The following CRACD variants were observed in gnomAD, a reference collection of about 807,000 sequenced individuals.
The protein encoded by CRACD is capping protein-inhibiting regulator of actin dynamics.
In CRACD, 56 loss-of-function variants were observed where a neutral mutation model predicts 106.8. That is an observed-to-expected ratio of 0.52 (90% CI 0.42 to 0.66). CRACD has a LOEUF of 0.66. Among genes scored for constraint, CRACD ranks in the 30% least tolerant of loss-of-function variants. CRACD has a pLI of 0.00. For missense variants in CRACD, 1,730 were observed against 1,623.2 expected, an observed-to-expected ratio of 1.07 and a Z score of -1.13; for synonymous variants, 754 against 670.8, an observed-to-expected ratio of 1.12 and a Z score of -1.92.
At chr4:56,139,130 T>C (rs1041615552) in intron 1 of CRACD, among the ~76,000 whole-genome samples, 21 of 152,330 alleles carry the variant, frequency 1.4e-4, no homozygotes, top group South Asian at 4.1e-4. Context: ...TTCCATATAC[T>C]CAATTCCAAA....
chr4:56,127,048 A>G (rs1174158755), intron 1 of CRACD, among the ~76,000 whole-genome samples: 3 of 152,152 alleles, frequency 2.0e-5, no homozygotes, highest in Admixed American at 2.0e-4. Context: ...GGAGATGTTT[A>G]TGGAACTTGG....
chr4:56,113,648 C>T (rs373472983), intron 1 of CRACD, among the ~76,000 whole-genome samples: 1 of 152,064 alleles, frequency 6.6e-6, no homozygotes, highest in East Asian at 1.9e-4. Context: ...GGCCTGATAG[C>T]ACTTCATCAT....
At chr4:56,279,982 T>C (rs879330503) in intron 3 of CRACD, among the ~76,000 whole-genome samples, 1 of 151,930 alleles carries the variant, frequency 6.6e-6, no homozygotes, top group Non-Finnish European at 1.5e-5. Context: ...GATGAGTTCA[T>C]GTCCTTTGTA....
At chr4:56,095,082 G>T (rs1043895827) in intron 1 of CRACD, among the ~76,000 whole-genome samples, 6 of 152,074 alleles carry the variant, frequency 3.9e-5, no homozygotes, top group African/African-American at 9.7e-5. Flanking sequence ...TTTAGGCTGG[G>T]TGCTCGCGCC....
At chr4:56,323,242 A>G (rs1746215893) in intron 8 of CRACD, 135 bp from the exon 9 acceptor site, 3 of 680,208 alleles carry the variant, frequency 4.4e-6, no homozygotes, top group South Asian at 4.4e-5. Flanking sequence ...GCATCAGCAC[A>G]GAGGTTGTGC....
chr4:56,102,072 A>G (rs919936403), intron 1 of CRACD, among the ~76,000 whole-genome samples: 1 of 152,064 alleles, frequency 6.6e-6, no homozygotes, highest in African/African-American at 2.4e-5. Context: ...TTCCTTGTGT[A>G]TATATGTTAT....
chr4:56,138,088 C>T (rs1273603142), intron 1 of CRACD, among the ~76,000 whole-genome samples: 1 of 151,856 alleles, frequency 6.6e-6, no homozygotes, highest in Non-Finnish European at 1.5e-5. Context: ...ACCCACTCTC[C>T]TACCTTGGTG....
chr4:56,310,760 T>C, intron 6 of CRACD, 26 bp downstream of exon 6: 1 of 1,521,074 alleles, frequency 6.6e-7, no homozygotes. Context: ...CTTATTTATT[T>C]GGCTTCTTTC....
intron 2 of CRACD, among the ~76,000 whole-genome samples, chr4:56,205,290 C>A (rs1004268718): frequency 6.6e-6 from 1 of 151,962 alleles, no homozygotes; most frequent in East Asian, 1.9e-4. Context: ...TCCTTTAAAA[C>A]CCTGTATATG....
rs1048076158 is a variant in CRACD, at chr4:56,329,391, G to C, written c.*1587G>C. The stretch of plus-strand genomic sequence containing the variant: ...TTTATGCTCGCTCAATATGCAATGT[G>C]CTGTTATTCTACCATGTACCTTAAA... On this transcript the variant is annotated 3_prime_UTR_variant, in exon 11 of 11. Transcript: ENST00000682029. Among the ~76,000 whole-genome samples the C allele has an allele frequency of 2.0e-5, 3 of 152,132 alleles. No individual in the cohort carries two copies. Among genetic ancestry groups the C allele is most frequent in the African/African-American group, 2.4e-5 (1 of 41,418 alleles).
intron 1 of CRACD, among the ~76,000 whole-genome samples, chr4:56,131,135 A>G (rs1734812224): frequency 6.6e-6 from 1 of 152,238 alleles, no homozygotes; most frequent in African/African-American, 2.4e-5. Context: ...AAATCAATAT[A>G]CTGCTATTAA....
At chr4:56,188,735 G>GAGA (rs60242539) in intron 2 of CRACD, among the ~76,000 whole-genome samples, 3 of 148,280 alleles carry the variant, frequency 2.0e-5, no homozygotes, top group African/African-American at 7.4e-5. Context: ...GAGAGAGAGA[G>GAGA]GGGTTAACAT....
chr4:56,224,247 T>C (rs1391174665), intron 2 of CRACD, among the ~76,000 whole-genome samples: 1 of 152,220 alleles, frequency 6.6e-6, no homozygotes, highest in Non-Finnish European at 1.5e-5. Context: ...TGCTTTTCCA[T>C]TTGGTCACTT....
intron 3 of CRACD, among the ~76,000 whole-genome samples, chr4:56,294,913 C>CAAAAAAAAAAAAAAAAAAAGAAAA (rs1743908604): frequency 2.8e-5 from 2 of 72,162 alleles, no homozygotes; most frequent in Admixed American, 1.9e-4. Context: ...GACCTTGTCT[C>CAAAAAAAAAAAAAAAAAAAGAAAA]AAAAAAAAAA....
chr4:56,225,029 C>A (rs1183878941), intron 2 of CRACD, among the ~76,000 whole-genome samples: 1 of 152,238 alleles, frequency 6.6e-6, no homozygotes, highest in African/African-American at 2.4e-5. Context: ...TTGGTCTCCA[C>A]ACACTTATTC....
At chr4:56,234,105 T>A (rs1739810728) in intron 2 of CRACD, among the ~76,000 whole-genome samples, 1 of 152,146 alleles carries the variant, frequency 6.6e-6, no homozygotes, top group Non-Finnish European at 1.5e-5. Context: ...GAGATATAAT[T>A]CACATACCAA....
chr4:56,257,079 C>CTTTTTTTTTT (rs566765737), intron 2 of CRACD, among the ~76,000 whole-genome samples: 1 of 114,506 alleles, frequency 8.7e-6, no homozygotes, highest in Non-Finnish European at 1.8e-5. Context: ...TTTTGATGTT[C>CTTTTTTTTTT]TTTTTTTTTT....
intron 1 of CRACD, among the ~76,000 whole-genome samples, chr4:56,128,641 T>C (rs1447990878): frequency 2.0e-5 from 3 of 152,218 alleles, no homozygotes; most frequent in Non-Finnish European, 4.4e-5. Context: ...AAAATACTGC[T>C]TAAGAAGTTT....
At chr4:56,207,438 C>G (rs1738178228) in intron 2 of CRACD, among the ~76,000 whole-genome samples, 1 of 152,158 alleles carries the variant, frequency 6.6e-6, no homozygotes. Context: ...GCAATGTTCT[C>G]TTTAACCTGT....
Sources: allele counts gnomAD v4.1 joint callset (sites outside exome capture counted in the v4.1 genomes callset), GRCh38; gene constraint gnomAD v4.1.1; transcripts MANE v1.5; gene names NCBI Gene and HGNC (gene_info 2026-07-23, HGNC 2026-07-21).